The following TTC21B variants were observed in gnomAD, a reference collection of about 807,000 sequenced individuals.
The protein encoded by TTC21B is tetratricopeptide repeat domain 21B, also known as tetratricopeptide repeat protein 21B.
TTC21B carries 127 observed loss-of-function variants against 175.1 expected under a neutral mutation model. That is an observed-to-expected ratio of 0.73 (90% CI 0.63 to 0.84). The LOEUF is 0.84. Ranked by LOEUF, TTC21B falls within the 40% of genes least tolerant of loss-of-function variation. The pLI, the probability that TTC21B is intolerant of heterozygous loss-of-function variation, is 0.00. For missense variants in TTC21B, 1,561 were observed against 1,558.3 expected, an observed-to-expected ratio of 1.00 and a Z score of -0.03; for synonymous variants, 524 against 524.5, an observed-to-expected ratio of 1.00 and a Z score of 0.01.
chr2:165,919,137 CTGCT>C, intron 13 of TTC21B, 135 bp downstream of exon 13: 1 of 1,004,608 alleles, frequency 1.0e-6, no homozygotes, highest in Non-Finnish European at 1.6e-6. Flanking sequence ...TTTCCTCCTA[CTGCT>C]TGTGAGTTCC....
chr2:165,874,989 CATG>C (rs1359764410), intron 28 of TTC21B, among the ~76,000 whole-genome samples, 157 bp from the exon 29 acceptor site: 2 of 152,130 alleles, frequency 1.3e-5, no homozygotes, highest in African/African-American at 2.4e-5. Flanking sequence ...TTAAATGTAA[CATG>C]ATGACTCCTT....
intron 2 of TTC21B, 39 bp from the exon 3 acceptor site, chr2:165,949,543 T>G: frequency 6.2e-7 from 1 of 1,613,788 alleles, no homozygotes; most frequent in Non-Finnish European, 8.5e-7. Context: ...CTGTTCTTAG[T>G]GCAAAGCAAG....
intron 24 of TTC21B, among the ~76,000 whole-genome samples, chr2:165,888,908 G>A (rs1685095968): frequency 8.0e-6 from 1 of 125,418 alleles, no homozygotes; most frequent in African/African-American, 2.7e-5. Context: ...CAGGAAAACT[G>A]AGGCTTGAAC....
intron 20 of TTC21B, 139 bp from the exon 21 acceptor site, chr2:165,900,019 A>C (rs1171857445): frequency 9.0e-6 from 6 of 668,650 alleles, no homozygotes; most frequent in South Asian, 5.1e-5. Flanking sequence ...AAAAAAAAAA[A>C]AAAAACAACA....
intron 18 of TTC21B, among the ~76,000 whole-genome samples, chr2:165,910,768 C>CA (rs1685904160): frequency 6.6e-6 from 1 of 151,850 alleles, no homozygotes; most frequent in Admixed American, 6.6e-5. Flanking sequence ...AAATTAAATG[C>CA]ATGATGTACT....
At chr2:165,893,874 A>G (rs1461781033) in intron 22 of TTC21B, among the ~76,000 whole-genome samples, 1 of 152,138 alleles carries the variant, frequency 6.6e-6, no homozygotes, top group Non-Finnish European at 1.5e-5. Context: ...TAACTTTGAT[A>G]TTATTAAAGC....
At chr2:165,878,866 G>A (rs542622705) in intron 27 of TTC21B, among the ~76,000 whole-genome samples, 3 of 152,078 alleles carry the variant, frequency 2.0e-5, no homozygotes, top group South Asian at 4.2e-4. Context: ...ATTTTTAGTA[G>A]AGACGGAGTT....
At chr2:165,921,870 T>C (rs909915596) in intron 12 of TTC21B, among the ~76,000 whole-genome samples, 3 of 151,780 alleles carry the variant, frequency 2.0e-5, no homozygotes, top group Non-Finnish European at 4.4e-5. Flanking sequence ...AGGCGGTGTT[T>C]GGTTACATGA....
rs200280772 is a variant in TTC21B, at chr2:165,890,560, T to C, written c.3182A>G (p.Tyr1061Cys). The C allele has an allele frequency of 1.9e-5, 30 of 1,613,674 alleles. No homozygotes were observed. Among genetic ancestry groups the C allele is most frequent in the Admixed American group, 3.3e-5 (2 of 59,994 alleles). The change falls in exon 24 of 29, where the codon TAT becomes TGT. Residue 1061 changes from tyrosine (Y) to cysteine (C), a missense_variant. Tyr to Cys is a radical substitution (Grantham distance 194). Transcript: ENST00000243344. Reference sequence around the variant, plus strand: ...ATTCAAACAGATCTCTATCATATTATAAAGGGCATTTTGGCCCCAGTCACG... The same window carrying C: ...ATTCAAACAGATCTCTATCATATTACAAAGGGCATTTTGGCCCCAGTCACG... The part of the protein sequence containing the change: ...KDRDWGQNAL[Y>C]NMIEICLNPD...
Position 165,941,332 on chromosome 2 carries a change from T to A in TTC21B, c.553-148A>T, listed in dbSNP as rs991338067. 7.7e-6 allele frequency: 6 copies of A among 781,890 alleles called. No individual in the cohort carries two copies. The African/African-American group carries it at 8.8e-5, about 11-fold the overall frequency. 48.4% of individuals were successfully genotyped at this position (781,890 alleles called of 1,614,324 possible). A position where few individuals can be genotyped will look rare whatever the true frequency, so the allele number is the denominator to read the frequency against. The stretch of plus-strand genomic sequence containing the variant: ...TTTTAAGTTTTTGTCAAAACAAAAT[T>A]TTAAAACATCACAGAATAATACAAA... On this transcript the variant is annotated intron_variant, in intron 5 of 28. Transcript: ENST00000243344.
At chr2:165,915,120 G>T in intron 15 of TTC21B, 81 bp downstream of exon 15, 1 of 1,139,928 alleles carries the variant, frequency 8.8e-7, no homozygotes, top group Non-Finnish European at 1.3e-6. Flanking sequence ...TGAAGCAGTT[G>T]AAAGAAAGTT....
chr2:165,895,295 C>T (rs1230162265), intron 22 of TTC21B, among the ~76,000 whole-genome samples: 4 of 151,960 alleles, frequency 2.6e-5, no homozygotes, highest in Admixed American at 1.3e-4. Flanking sequence ...ACAAACAGTC[C>T]AAAGCAGCCA....
Position 165,915,352 on chromosome 2 carries a change from G to T in TTC21B, c.1987C>A (p.Leu663Ile), listed in dbSNP as rs1297830363. The T allele has an allele frequency of 2.5e-6, 4 of 1,613,980 alleles. No homozygotes were observed. The highest frequency in any genetic ancestry group is 3.4e-6 in the Non-Finnish European group (4 of 1,179,992). Reference sequence around the variant, plus strand: ...TCAATATCTCCTTGGGCTAGAGCAAGGTCTGCATTAGCAATGGTAACCCGC... The same window carrying T: ...TCAATATCTCCTTGGGCTAGAGCAATGTCTGCATTAGCAATGGTAACCCGC... ...EVRVTIANAD[L>I]ALAQGDIERA... The change falls in exon 15 of 29, where the codon CTT (leucine) becomes ATT (isoleucine). Residue 663 changes from leucine (L) to isoleucine (I), a missense_variant. Coordinates refer to ENST00000243344, the MANE Select transcript of TTC21B (RefSeq NM_024753.5).
At position 165,917,435 on chromosome 2, in the gene TTC21B, T is replaced by C. The variant is rs1278959748; in HGVS notation, c.1721A>G (p.Lys574Arg). The change falls in exon 14 of 29, where the codon AAG becomes AGG. Residue 574 changes from lysine to arginine, a missense_variant. Lys to Arg is a conservative substitution (Grantham distance 26). Coordinates refer to ENST00000243344, the MANE Select transcript of TTC21B (RefSeq NM_024753.5). ...LYHLIKAQSQ[K>R]KMGEIADAIK... is the part of the protein sequence containing the mutation. ...TGCGTCTGCTATTTCTCCCATTTTC[T>C]TTTGTGACTGAGCTTTTATCAAATG... The C allele has an allele frequency of 6.2e-7, 1 of 1,614,010 alleles. No individual in the cohort carries two copies. Among genetic ancestry groups the C allele is most frequent in the East Asian group, 2.2e-5 (1 of 44,878 alleles).
chr2:165,935,335 A>G (rs1167374009), intron 6 of TTC21B, among the ~76,000 whole-genome samples: 1 of 152,200 alleles, frequency 6.6e-6, no homozygotes, highest in Admixed American at 6.5e-5. Flanking sequence ...TTCTCTGCAG[A>G]TATAGTCCTA....
intron 12 of TTC21B, among the ~76,000 whole-genome samples, chr2:165,921,132 T>C (rs888297181): frequency 1.3e-5 from 2 of 152,150 alleles, no homozygotes; most frequent in Non-Finnish European, 1.5e-5. Flanking sequence ...GCTAAAGATA[T>C]GACTTGGAAT....
chr2:165,888,918 C>G (rs1685096048), intron 24 of TTC21B, among the ~76,000 whole-genome samples: 1 of 119,192 alleles, frequency 8.4e-6, no homozygotes, highest in Non-Finnish European at 2.0e-5. Flanking sequence ...GAGGCTTGAA[C>G]AGGTAAAGTA....
Position 165,949,441 on chromosome 2 carries a change from C to T in TTC21B, c.215G>A (p.Cys72Tyr), listed in dbSNP as rs1476268150. ...GGCATATATCAGTGCAAGTAGAGAA[C>T]AAAGTGATACATCTTGTTTATTTTT... ...AIKNKQDVSL[C>Y]SLLALIYAHK... Residue 72 changes from cysteine (C) to tyrosine (Y), a missense_variant, in exon 3 of 29, where the codon TGT (cysteine) becomes TAT (tyrosine). By Grantham distance (194) the Cys-to-Tyr change is radical. Transcript: ENST00000243344. 2 of 1,613,798 alleles carry T rather than the reference C, an allele frequency of 1.2e-6. No homozygotes were observed. Among genetic ancestry groups the T allele is most frequent in the Non-Finnish European group, 1.7e-6 (2 of 1,179,856 alleles).
At chr2:165,927,197 T>TAC (rs1491093491) in intron 11 of TTC21B, among the ~76,000 whole-genome samples, 4 of 47,180 alleles carry the variant, frequency 8.5e-5, no homozygotes, top group Non-Finnish European at 1.5e-4. Flanking sequence ...TCCTAGTAGT[T>TAC]ATATATATAT....
Sources: gnomAD v4.1 joint callset for allele counts (sites outside exome capture counted in the v4.1 genomes callset) on GRCh38, gnomAD v4.1.1 for gene constraint, MANE v1.5 for transcripts, NCBI Gene and HGNC (gene_info 2026-07-23, HGNC 2026-07-21) for gene names.